NSUN6: variants seen among roughly 807,000 people sequenced by gnomAD.
NSUN6 encodes NOP2/Sun RNA methyltransferase 6.
Under a neutral mutation model 58.0 loss-of-function variants are expected in NSUN6, and 64 were observed. The ratio of observed to expected loss-of-function variants is 1.10; its 90% confidence interval spans 0.90 to 1.36. The LOEUF (loss-of-function observed/expected upper bound fraction) is 1.36, where lower values mean the gene tolerates loss of function less well. Ranked by LOEUF, NSUN6 falls within the 40% of genes most tolerant of loss-of-function variation. The pLI is 0.00. For missense variants in NSUN6, 701 were observed against 550.1 expected, an observed-to-expected ratio of 1.27 and a Z score of -2.74; for synonymous variants, 231 against 193.9, an observed-to-expected ratio of 1.19 and a Z score of -1.59.
intron 3 of NSUN6, among the ~76,000 whole-genome samples, chr10:18,639,328 A>G (rs1335407404): frequency 1.3e-5 from 2 of 152,098 alleles, no homozygotes; most frequent in Admixed American, 6.6e-5. Context: ...CACAGTCTCT[A>G]CTAAAAATAC....
chr10:18,644,501 C>CT (rs35934175), intron 2 of NSUN6, among the ~76,000 whole-genome samples: 76,829 of 146,380 alleles, frequency 0.52, 20,217 homozygotes, highest in East Asian at 0.75. Context: ...TAAGGTATGT[C>CT]TTTTTTTTTT....
rs564140976 is a variant in NSUN6 at position 18,628,067 on chromosome 10, G to T, written c.312-11774C>A. On this transcript the variant is annotated intron_variant, in intron 3 of 10. Coordinates refer to ENST00000377304, the MANE Select transcript of NSUN6 (RefSeq NM_182543.5). ...AGCACGCAGCTGGAGATCTGAGAAC[G>T]GGCAGACTGCCTCAAGTGGGTCCCT... Among the ~76,000 whole-genome samples the T allele has an allele frequency of 5.3e-5, 8 of 152,246 alleles. No individual in the cohort carries two copies. The South Asian group carries it at 1.7e-3, about 32-fold the overall frequency.
chr10:18,600,955 T>TAC (rs2057795669), intron 6 of NSUN6, among the ~76,000 whole-genome samples: 1 of 85,662 alleles, frequency 1.2e-5, no homozygotes, highest in East Asian at 6.2e-4. Context: ...TATATATATA[T>TAC]ATATACATAT....
intron 7 of NSUN6, among the ~76,000 whole-genome samples, chr10:18,595,231 A>C (rs937677190): frequency 1.3e-5 from 2 of 152,164 alleles, no homozygotes; most frequent in African/African-American, 4.8e-5. Flanking sequence ...AGCCCCCAAA[A>C]TGTTTAGTTG....
Position 18,611,829 on chromosome 10 carries a change from C to T in NSUN6, c.576-1903G>A, listed in dbSNP as rs771143525. On this transcript the variant is annotated intron_variant, in intron 5 of 10. Coordinates refer to ENST00000377304, the MANE Select transcript of NSUN6 (RefSeq NM_182543.5). ...CAAGTGATCCTCCTGCCTTAGCTTCCGGAGTTCCTGGAATAACGGGTATGA... is the reference window on the plus strand; with the variant it reads ...CAAGTGATCCTCCTGCCTTAGCTTCTGGAGTTCCTGGAATAACGGGTATGA... Among the ~76,000 whole-genome samples, 9 of 152,058 alleles carry T rather than the reference C, an allele frequency of 5.9e-5. No individual in the cohort carries two copies. The South Asian group carries it at 6.2e-4, about 11-fold the overall frequency.
At chr10:18,610,371 TA>T (rs2058190206) in intron 5 of NSUN6, among the ~76,000 whole-genome samples, 1 of 152,194 alleles carries the variant, frequency 6.6e-6, no homozygotes, top group Admixed American at 6.5e-5. Context: ...CTCTTTTTAT[TA>T]AACAACAAAA....
intron 7 of NSUN6, among the ~76,000 whole-genome samples, chr10:18,595,189 A>G (rs1257141087): frequency 6.6e-6 from 1 of 152,220 alleles, no homozygotes; most frequent in Non-Finnish European, 1.5e-5. Flanking sequence ...GAGTGAGCCC[A>G]GCAGGGATCA....
intron 7 of NSUN6, among the ~76,000 whole-genome samples, chr10:18,593,584 A>G (rs772115588): frequency 5.3e-5 from 8 of 152,160 alleles, no homozygotes; most frequent in Non-Finnish European, 1.2e-4. Context: ...GGAAGTTATC[A>G]TTCTCAGCAA....
chr10:18,589,148 T>C (rs1039709080), intron 7 of NSUN6, among the ~76,000 whole-genome samples: 1 of 152,044 alleles, frequency 6.6e-6, no homozygotes, highest in Non-Finnish European at 1.5e-5. Context: ...GACAAATCGA[T>C]GAAGCAGAAG....
chr10:18,634,908 T>C (rs566732715), intron 3 of NSUN6, among the ~76,000 whole-genome samples: 1 of 151,818 alleles, frequency 6.6e-6, no homozygotes, highest in African/African-American at 2.4e-5. Context: ...CTTGAGAGGA[T>C]GGGTCTTGGC....
chr10:18,558,195 A>T (rs143766735), intron 8 of NSUN6, among the ~76,000 whole-genome samples: 3,107 of 151,244 alleles, frequency 0.021, 119 homozygotes, highest in African/African-American at 0.072. Context: ...TGCACAGTGG[A>T]ATGCAATGGA....
At chr10:18,580,334 A>G (rs930533316) in intron 8 of NSUN6, among the ~76,000 whole-genome samples, 13 of 152,140 alleles carry the variant, frequency 8.5e-5, no homozygotes, top group Non-Finnish European at 1.6e-4. Context: ...TCAGAATAAG[A>G]TCCACTTCAT....
chr10:18,547,985 C>T (rs2054384714), intron 10 of NSUN6, 127 bp downstream of exon 10: 5 of 889,754 alleles, frequency 5.6e-6, no homozygotes, highest in Non-Finnish European at 8.5e-6. Context: ...ATTAGATAAG[C>T]ATTCTTGTTT....
intron 8 of NSUN6, among the ~76,000 whole-genome samples, chr10:18,566,186 A>G (rs1351643939): frequency 7.1e-6 from 1 of 141,568 alleles, no homozygotes; most frequent in Non-Finnish European, 1.5e-5. Context: ...ATTCTATTCC[A>G]TTCTCCATTC....
At chr10:18,614,405 T>C (rs1430675399) in intron 5 of NSUN6, 55 bp downstream of exon 5, 9 of 1,132,236 alleles carry the variant, frequency 7.9e-6, no homozygotes, top group African/African-American at 1.6e-5. Context: ...TTATTTTTAA[T>C]TTTCATTGAC....
chr10:18,607,816 A>T (rs1360081339), intron 6 of NSUN6, among the ~76,000 whole-genome samples: 1 of 152,214 alleles, frequency 6.6e-6, no homozygotes, highest in Non-Finnish European at 1.5e-5. Context: ...GCAGCACACA[A>T]CAAACTACTC....
At chr10:18,572,487 C>T (rs1405104069) in intron 8 of NSUN6, among the ~76,000 whole-genome samples, 2 of 147,284 alleles carry the variant, frequency 1.4e-5, no homozygotes, top group Non-Finnish European at 3.0e-5. Flanking sequence ...TTCCCCATTC[C>T]ATTCCACTCC....
chr10:18,614,364 T>A (rs890803929), intron 5 of NSUN6, 96 bp downstream of exon 5: 38 of 554,244 alleles, frequency 6.9e-5, no homozygotes, highest in Middle Eastern at 3.0e-4. Context: ...AAAAAAAAAA[T>A]TTCATATAAT....
chr10:18,583,535 G>A (rs1402194989), intron 8 of NSUN6, among the ~76,000 whole-genome samples: 1 of 152,176 alleles, frequency 6.6e-6, no homozygotes, highest in East Asian at 1.9e-4. Context: ...AGTTAACTTT[G>A]AGAGAGTTTA....
Sources: gnomAD v4.1 joint callset for allele counts (sites outside exome capture counted in the v4.1 genomes callset) on GRCh38, gnomAD v4.1.1 for gene constraint, MANE v1.5 for transcripts, NCBI Gene and HGNC (gene_info 2026-07-23, HGNC 2026-07-21) for gene names.